The following KTN1 variants were observed in gnomAD, a reference collection of about 807,000 sequenced individuals.
The protein encoded by KTN1 is kinectin 1.
Under a neutral mutation model 222.5 loss-of-function variants are expected in KTN1, and 130 were observed. The observed-to-expected ratio is 0.58, with a 90% CI of 0.51 to 0.68. KTN1 has a LOEUF of 0.68. Ranked by LOEUF, KTN1 falls within the 30% of genes least tolerant of loss-of-function variation. The pLI is 0.00. For synonymous variants in KTN1, 512 were observed against 496.3 expected (o/e 1.03, Z -0.42); for missense variants, 1,508 against 1,500.4 (o/e 1.01, Z -0.08).
chr14:55,630,537 G>A (rs1294998655), intron 7 of KTN1, among the ~76,000 whole-genome samples: 1 of 152,158 alleles, frequency 6.6e-6, no homozygotes, highest in Non-Finnish European at 1.5e-5. Flanking sequence ...CCAGGACTGA[G>A]CTTTTTAATG....
intron 41 of KTN1, 92 bp from the exon 42 acceptor site, chr14:55,678,259 GC>G (rs2046053221): frequency 2.6e-6 from 2 of 781,962 alleles, no homozygotes; most frequent in Admixed American, 2.2e-5. Context: ...TTTGAGAGGA[GC>G]TTTTATCTTC....
chr14:55,619,593 G>A (rs1312901867), intron 5 of KTN1, among the ~76,000 whole-genome samples: 1 of 152,110 alleles, frequency 6.6e-6, no homozygotes, highest in African/African-American at 2.4e-5. Context: ...AAGGTGAAAG[G>A]CACGTCTTAT....
Position 55,671,883 on chromosome 14 carries a change from T to TA in KTN1, c.3531+7dup. On this transcript the variant is annotated splice_region_variant and intron_variant, in intron 37 of 43. Transcript: ENST00000395314. ...CACACAAGACTATTAAACAGGTATT[T>TA]ACAAAAGAAAAGCTTAGAGCAGTGG... is the stretch of plus-strand genomic sequence containing the variant. The TA allele has an allele frequency of 6.6e-7, 1 of 1,522,854 alleles. No homozygotes were observed. The highest frequency in any genetic ancestry group is 1.1e-5 in the South Asian group (1 of 88,814). 94.3% of individuals were successfully genotyped at this position (1,522,854 alleles called of 1,614,324 possible).
chr14:55,667,090 A>C, intron 33 of KTN1, 151 bp from the exon 34 acceptor site: 1 of 547,942 alleles, frequency 1.8e-6, no homozygotes, highest in Non-Finnish European at 3.1e-6. Flanking sequence ...TAATATCTTA[A>C]AGTGGGAAAT....
chr14:55,585,327 A>G (rs2032755860), intron 1 of KTN1, among the ~76,000 whole-genome samples: 1 of 152,112 alleles, frequency 6.6e-6, no homozygotes, highest in Non-Finnish European at 1.5e-5. Context: ...CCTCTTACAT[A>G]CTCCACATGA....
chr14:55,586,017 G>A (rs989355089), intron 1 of KTN1, among the ~76,000 whole-genome samples: 1 of 152,140 alleles, frequency 6.6e-6, no homozygotes, highest in African/African-American at 2.4e-5. Flanking sequence ...CTGCATTTTC[G>A]CTGGAAAATG....
At chr14:55,595,931 G>A (rs2140410714) in intron 1 of KTN1, among the ~76,000 whole-genome samples, 1 of 152,130 alleles carries the variant, frequency 6.6e-6, no homozygotes, top group South Asian at 2.1e-4. Context: ...GAGGTGGGCG[G>A]ATCATGAGGT....
intron 24 of KTN1, 108 bp from the exon 25 acceptor site, chr14:55,651,782 C>T (rs1158145178): frequency 1.2e-5 from 8 of 676,148 alleles, no homozygotes; most frequent in Non-Finnish European, 2.0e-5. Context: ...ATGAAAAATT[C>T]AGCTAGTTTC....
chr14:55,592,836 G>C (rs960747262), intron 1 of KTN1, among the ~76,000 whole-genome samples: 2 of 152,280 alleles, frequency 1.3e-5, no homozygotes, highest in African/African-American at 4.8e-5. Context: ...CTTGTACTTA[G>C]AGTATACTTA....
intron 5 of KTN1, among the ~76,000 whole-genome samples, chr14:55,621,509 T>A (rs1365120137): frequency 6.6e-6 from 1 of 151,994 alleles, no homozygotes; most frequent in Admixed American, 6.5e-5. Flanking sequence ...TGGTAGAAGG[T>A]GAAAGGCATG....
chr14:55,664,891 G>A (rs1222269753), intron 33 of KTN1, among the ~76,000 whole-genome samples: 1 of 151,970 alleles, frequency 6.6e-6, no homozygotes, highest in Admixed American at 6.6e-5. Context: ...ATTAATTTTA[G>A]CACTATGAAA....
chr14:55,673,051 T>G (rs755666247), intron 39 of KTN1, 39 bp downstream of exon 39: 2 of 1,553,686 alleles, frequency 1.3e-6, no homozygotes, highest in Middle Eastern at 1.7e-4. Flanking sequence ...GCTTCTCAAT[T>G]CAGATTAAGT....
At chr14:55,630,580 C>A (rs1256174581) in intron 7 of KTN1, among the ~76,000 whole-genome samples, 1 of 151,990 alleles carries the variant, frequency 6.6e-6, no homozygotes, top group Non-Finnish European at 1.5e-5. Flanking sequence ...TACAGATTGT[C>A]TAGAGTAACT....
intron 16 of KTN1, 39 bp downstream of exon 16, chr14:55,641,009 ATGTT>A: frequency 1.3e-6 from 2 of 1,550,730 alleles, no homozygotes; most frequent in Non-Finnish European, 1.8e-6. Flanking sequence ...TCATACATTT[ATGTT>A]TAATTATAAT....
intron 1 of KTN1, among the ~76,000 whole-genome samples, chr14:55,605,455 C>T (rs1382416954): frequency 1.3e-5 from 2 of 152,060 alleles, no homozygotes; most frequent in East Asian, 1.9e-4. Context: ...CCTTAAGGAG[C>T]CTGGCTTGGG....
chr14:55,642,724 G>C lies in KTN1; in HGVS notation c.2172+964G>C, dbSNP rs189012762. ...GCTGGTGTAAGTAGCTGTGCCTCTG[G>C]AAGTATTTTGTTAACTTGTCAAGAA... On this transcript the variant is annotated intron_variant, in intron 18 of 43. Coordinates refer to ENST00000395314, the MANE Select transcript of KTN1 (RefSeq NM_001079521.2). Among the ~76,000 whole-genome samples the C allele has an allele frequency of 1.2e-4, 18 of 152,194 alleles. No individual in the cohort carries two copies. The East Asian group carries it at 3.5e-3, about 29-fold the overall frequency.
At chr14:55,629,648 A>C (rs1352470514) in intron 6 of KTN1, among the ~76,000 whole-genome samples, 1 of 152,188 alleles carries the variant, frequency 6.6e-6, no homozygotes, top group African/African-American at 2.4e-5. Flanking sequence ...TCTTTCGTGT[A>C]ATCAAGTTAG....
At chr14:55,627,663 G>A (rs1036454641) in intron 5 of KTN1, among the ~76,000 whole-genome samples, 1 of 151,872 alleles carries the variant, frequency 6.6e-6, no homozygotes, top group African/African-American at 2.4e-5. Flanking sequence ...CCCTTCCTGT[G>A]TCCATGTGTT....
intron 15 of KTN1, 79 bp downstream of exon 15, chr14:55,640,521 C>A: frequency 1.0e-6 from 1 of 959,840 alleles, no homozygotes; most frequent in Non-Finnish European, 1.6e-6. Context: ...TTGTGAGCCC[C>A]AATTTGATTG....
Sources: gnomAD v4.1 joint callset for allele counts (sites outside exome capture counted in the v4.1 genomes callset) on GRCh38, gnomAD v4.1.1 for gene constraint, MANE v1.5 for transcripts, NCBI Gene and HGNC (gene_info 2026-07-23, HGNC 2026-07-21) for gene names.